Variants in MID2 observed in about 807,000 individuals in gnomAD.
MID2 encodes probable E3 ubiquitin-protein ligase MID2.
In MID2, 13 loss-of-function variants were observed where a neutral mutation model predicts 46.1. The observed-to-expected ratio is 0.28, with a 90% CI of 0.18 to 0.45. The LOEUF (loss-of-function observed/expected upper bound fraction) is 0.45, where lower values mean the gene tolerates loss of function less well. MID2 is among the 20% of genes least tolerant of loss of function. The pLI is 1.00. For missense variants in MID2, 431 were observed against 575.4 expected, an observed-to-expected ratio of 0.75 and a Z score of 2.57; for synonymous variants, 199 against 212.3, an observed-to-expected ratio of 0.94 and a Z score of 0.55.
intron 3 of MID2, among the ~76,000 whole-genome samples, chrX:107,892,042 C>T (rs1025334175): frequency 2.7e-5 from 3 of 111,611 alleles, no homozygotes; most frequent in African/African-American, 9.8e-5. Context: ...TTTCCCTGGC[C>T]CTCCCAGTAG....
At position 107,853,474 on chromosome X, in the gene MID2, A is replaced by T. The variant is rs759996462; in HGVS notation, c.721-1135A>T. Reference sequence around the variant, plus strand: ...GCCACCACGCCCAACTAAATTTTGCATTTTTTGTTGAGATGTGGTTTTGTT... The same window carrying T: ...GCCACCACGCCCAACTAAATTTTGCTTTTTTTGTTGAGATGTGGTTTTGTT... On this transcript the variant is annotated intron_variant, in intron 2 of 9. Coordinates refer to ENST00000262843, the MANE Select transcript of MID2 (RefSeq NM_012216.4). 4.4e-3 allele frequency among the ~76,000 whole-genome samples: 489 copies of T among 110,305 alleles called. 4 individuals carry two copies. Among genetic ancestry groups the T allele is most frequent in the African/African-American group, 0.014 (436 of 30,281 alleles).
chrX:107,926,986 A>G lies in MID2; in HGVS notation c.2121A>G (p.Pro707=). The change falls in exon 10 of 10, where the codon CCA becomes CCG. Residue 707 remains proline (P), a synonymous_variant. Coordinates refer to ENST00000262843, the MANE Select transcript of MID2 (RefSeq NM_012216.4). ...SLMILSGLPA[P]DFIDYPERQE... is the part of the protein sequence containing the mutation. ...TGATCCTGTCTGGCTTGCCTGCCCC[A>G]GATTTTATTGATTACCCTGAGCGGC... 5 of 1,210,961 alleles carry G rather than the reference A, an allele frequency of 4.1e-6. No homozygotes were observed. The highest frequency in any genetic ancestry group is 5.6e-6 in the Non-Finnish European group (5 of 894,895).
At chrX:107,887,367 A>G (rs973592281) in intron 3 of MID2, among the ~76,000 whole-genome samples, 24 of 112,195 alleles carry the variant, frequency 2.1e-4, no homozygotes, top group Non-Finnish European at 4.1e-4. Flanking sequence ...TCTTTTCTGC[A>G]TCTATTGAGA....
chrX:107,833,162 A>G (rs1417105817), intron 1 of MID2, among the ~76,000 whole-genome samples: 3 of 111,479 alleles, frequency 2.7e-5, no homozygotes, highest in Admixed American at 9.6e-5. Context: ...CTAGTTTACA[A>G]TAATCCAAGC....
chrX:107,906,782 C>T (rs998181894), intron 5 of MID2, among the ~76,000 whole-genome samples: 5 of 111,706 alleles, frequency 4.5e-5, no homozygotes, highest in East Asian at 2.8e-4. Flanking sequence ...GATGGGGTTT[C>T]GCCATTTTGG....
At chrX:107,896,812 T>A (rs752328596) in intron 3 of MID2, among the ~76,000 whole-genome samples, 18 of 107,551 alleles carry the variant, frequency 1.7e-4, no homozygotes, top group East Asian at 8.7e-4. Context: ...TCTCTCTCTC[T>A]CACACACACA....
intron 7 of MID2, among the ~76,000 whole-genome samples, chrX:107,922,810 C>T (rs1010901137): frequency 1.8e-5 from 2 of 111,345 alleles, no homozygotes; most frequent in Non-Finnish European, 3.8e-5. Context: ...TGATCTTTTC[C>T]TCATTTTTTT....
chrX:107,888,088 T>C (rs1463400682), intron 3 of MID2, among the ~76,000 whole-genome samples: 1 of 112,031 alleles, frequency 8.9e-6, no homozygotes, highest in Non-Finnish European at 1.9e-5. Flanking sequence ...CCTGGATTCA[T>C]TGATTTTTTG....
At chrX:107,869,417 G>C (rs1932021173) in intron 3 of MID2, among the ~76,000 whole-genome samples, 1 of 110,693 alleles carries the variant, frequency 9.0e-6, no homozygotes, top group Non-Finnish European at 1.9e-5. Context: ...ACTATTCTTA[G>C]ATATTTGTTT....
chrX:107,867,175 G>T lies in MID2; in HGVS notation c.816+12471G>T, dbSNP rs140191060. 1.7e-3 allele frequency among the ~76,000 whole-genome samples: 192 copies of T among 111,971 alleles called. 3 individuals carry two copies. The highest frequency in any genetic ancestry group is 0.013 in the East Asian group (48 of 3,583). On this transcript the variant is annotated intron_variant, in intron 3 of 9. Transcript: ENST00000262843. ...TTTTTGTTTTGTTTTGTTTTGAGAC[G>T]GAGTCTCCCTTTGTCTCCAGGCTGG...
In MID2 at chrX:107,927,422, G is replaced by A. The variant is rs770260030; in HGVS notation, c.*349G>A. ...GTTAAATAATGTGGAAAGGTGCCCTGAATAAGGAGCTAGCAAGCCAGAGCG... is the reference window on the plus strand; with the variant it reads ...GTTAAATAATGTGGAAAGGTGCCCTAAATAAGGAGCTAGCAAGCCAGAGCG... On this transcript the variant is annotated 3_prime_UTR_variant, in exon 10 of 10. Transcript: ENST00000262843. Among the ~76,000 whole-genome samples, 1 of 111,535 alleles carries A rather than the reference G, an allele frequency of 9.0e-6. No homozygotes were observed. The highest frequency in any genetic ancestry group is 3.3e-5 in the African/African-American group (1 of 30,731).
intron 3 of MID2, among the ~76,000 whole-genome samples, chrX:107,863,030 AT>A (rs1447048228): frequency 1.8e-5 from 2 of 112,199 alleles, no homozygotes; most frequent in African/African-American, 6.5e-5. Context: ...ATTCAATCTT[AT>A]TAAGAATATA....
intron 1 of MID2, among the ~76,000 whole-genome samples, chrX:107,828,313 T>TTC (rs1556355416): frequency 1.5e-4 from 14 of 94,976 alleles, no homozygotes; most frequent in African/African-American, 5.3e-4. Flanking sequence ...TTCTTTTCTT[T>TTC]TTTTTTTTTT....
At chrX:107,885,045 C>T (rs1307735252) in intron 3 of MID2, among the ~76,000 whole-genome samples, 2 of 111,582 alleles carry the variant, frequency 1.8e-5, no homozygotes, top group African/African-American at 6.5e-5. Flanking sequence ...TTTGGAATTT[C>T]CCAGCAGGTT....
At chrX:107,834,085 C>A (rs889150585) in intron 1 of MID2, among the ~76,000 whole-genome samples, 1 of 111,816 alleles carries the variant, frequency 8.9e-6, no homozygotes, top group Admixed American at 9.5e-5. Context: ...TGAGTCACCA[C>A]GCCAGACCCA....
chrX:107,860,361 G>T (rs1225100932), intron 3 of MID2, among the ~76,000 whole-genome samples: 3 of 112,063 alleles, frequency 2.7e-5, no homozygotes, highest in African/African-American at 9.7e-5. Flanking sequence ...GACCTGCAAG[G>T]TTTATTGTTC....
chrX:107,826,697 G>A (rs1930956545), intron 1 of MID2, among the ~76,000 whole-genome samples: 2 of 113,214 alleles, frequency 1.8e-5, no homozygotes, highest in South Asian at 3.5e-4. Context: ...GGGGTGCGGG[G>A]CGGGGGCGGC....
intron 7 of MID2, among the ~76,000 whole-genome samples, chrX:107,921,172 C>T (rs1034711022): frequency 2.7e-5 from 3 of 111,675 alleles, no homozygotes; most frequent in Non-Finnish European, 5.7e-5. Flanking sequence ...TTTCTTCAGC[C>T]TTTCTTTGTC....
At chrX:107,910,110 CCTGT>C (rs753563586) in intron 5 of MID2, among the ~76,000 whole-genome samples, 4 of 111,978 alleles carry the variant, frequency 3.6e-5, no homozygotes, top group South Asian at 3.8e-4. Context: ...ACTTATTCCT[CCTGT>C]CTAACTGAAA....
Sources: gnomAD v4.1 joint callset for allele counts (sites outside exome capture counted in the v4.1 genomes callset) on GRCh38, gnomAD v4.1.1 for gene constraint, MANE v1.5 for transcripts, NCBI Gene and HGNC (gene_info 2026-07-23, HGNC 2026-07-21) for gene names.